RP2: variants seen among roughly 807,000 people sequenced by gnomAD.
RP2 encodes RP2 activator of ARL3 GTPase, also known as protein XRP2.
Under a neutral mutation model 20.3 loss-of-function variants are expected in RP2, and 3 were observed. The observed-to-expected ratio is 0.15, with a 90% CI of 0.07 to 0.38. RP2 has a LOEUF of 0.38. Among genes scored for constraint, RP2 ranks in the 10% least tolerant of loss-of-function variants. The pLI is 1.00. For missense variants in RP2, 233 were observed against 268.5 expected, an observed-to-expected ratio of 0.87 and a Z score of 0.92; for synonymous variants, 75 against 94.8, an observed-to-expected ratio of 0.79 and a Z score of 1.22.
rs782434322 is a variant in RP2, at chrX:46,869,704, G to C, written c.884-7801G>C. Among the ~76,000 whole-genome samples, 6 of 104,688 alleles carry C rather than the reference G, an allele frequency of 5.7e-5. No homozygotes were observed. The South Asian group carries it at 2.7e-3, about 46-fold the overall frequency. The allele number at this position is 104,688 out of a possible 115,157, so 90.9% of individuals were successfully genotyped here. On this transcript the variant is annotated intron_variant, in intron 3 of 4. Coordinates refer to ENST00000218340, the MANE Select transcript of RP2 (RefSeq NM_006915.3). The stretch of plus-strand genomic sequence containing the variant: ...GGCTCACCGCAACCCCCGCCTCCCG[G>C]GTTCAGGTGATTCTCCTGCCTCAGC...
intron 3 of RP2, among the ~76,000 whole-genome samples, chrX:46,866,900 C>A (rs782388126): frequency 9.0e-6 from 1 of 111,477 alleles, no homozygotes; most frequent in South Asian, 3.7e-4. Context: ...CTAAAAATTT[C>A]CCTTGTGTGG....
intron 3 of RP2, among the ~76,000 whole-genome samples, chrX:46,877,247 C>G (rs1164203048): frequency 8.9e-6 from 1 of 112,253 alleles, no homozygotes; most frequent in African/African-American, 3.2e-5. Flanking sequence ...AAAAGCCAGA[C>G]TATTTACAAC....
At chrX:46,877,447 T>C in intron 3 of RP2, 58 bp from the exon 4 acceptor site, 1 of 840,598 alleles carries the variant, frequency 1.2e-6, no homozygotes, top group Non-Finnish European at 1.8e-6. Flanking sequence ...ATAAAAAGAT[T>C]AAATTTAGAA....
intron 3 of RP2, among the ~76,000 whole-genome samples, chrX:46,865,982 T>C (rs1238959316): frequency 9.0e-6 from 1 of 111,274 alleles, no homozygotes; most frequent in Non-Finnish European, 1.9e-5. Flanking sequence ...TTATTTCTCA[T>C]GGGTGTGTAT....
chrX:46,854,514 C>CTAT (rs1364593724), intron 2 of RP2, among the ~76,000 whole-genome samples: 8 of 111,177 alleles, frequency 7.2e-5, no homozygotes, highest in African/African-American at 2.6e-4. Context: ...GATAGGATGC[C>CTAT]TATTTGTTTT....
At chrX:46,839,528 G>A (rs1218144977) in intron 1 of RP2, among the ~76,000 whole-genome samples, 7 of 110,015 alleles carry the variant, frequency 6.4e-5, no homozygotes, top group Non-Finnish European at 1.3e-4. Flanking sequence ...CTCCAGCTTG[G>A]GCAACAGAGT....
rs1925482226 is a variant in RP2, at chrX:46,882,197, T to G, written c.*2428T>G. 8.9e-6 allele frequency: 1 copy of G among 112,682 alleles called. No homozygotes were observed. Among genetic ancestry groups the G allele is most frequent in the Non-Finnish European group, 1.9e-5 (1 of 53,403 alleles). 9.3% of individuals were successfully genotyped at this position (112,682 alleles called of 1,213,427 possible). A position where few individuals can be genotyped will look rare whatever the true frequency, so the allele number is the denominator to read the frequency against. ...TATTAACAATGAAAAATTGGTAATT[T>G]TATTAAGTTATATGTGTTTAAATAT... On this transcript the variant is annotated 3_prime_UTR_variant, in exon 5 of 5. Coordinates refer to ENST00000218340, the MANE Select transcript of RP2 (RefSeq NM_006915.3).
chrX:46,869,076 G>T (rs986176827), intron 3 of RP2, among the ~76,000 whole-genome samples: 1 of 109,811 alleles, frequency 9.1e-6, no homozygotes, highest in Non-Finnish European at 1.9e-5. Flanking sequence ...TCCAGCCTTG[G>T]GGGGAGTGAC....
chrX:46,878,334 G>A (rs1556328069), intron 4 of RP2, among the ~76,000 whole-genome samples: 2 of 102,229 alleles, frequency 2.0e-5, no homozygotes, highest in Non-Finnish European at 4.0e-5. Flanking sequence ...CCGAGATCCC[G>A]CCACTGCACT....
intron 3 of RP2, among the ~76,000 whole-genome samples, chrX:46,873,420 TCA>T (rs2147088068): frequency 8.9e-6 from 1 of 112,340 alleles, no homozygotes; most frequent in South Asian, 3.7e-4. Flanking sequence ...ACCTCATAGT[TCA>T]GTTAGAAATA....
chrX:46,873,417 AG>A (rs1207337647), intron 3 of RP2, among the ~76,000 whole-genome samples: 1 of 112,368 alleles, frequency 8.9e-6, no homozygotes, highest in Non-Finnish European at 1.9e-5. Flanking sequence ...TTGACCTCAT[AG>A]TTCAGTTAGA....
chrX:46,874,497 G>T, intron 3 of RP2, among the ~76,000 whole-genome samples: 1 of 110,093 alleles, frequency 9.1e-6, no homozygotes. Flanking sequence ...ACTAAATGTA[G>T]AGAGTACAAT....
rs1925459030 is a variant in RP2, at chrX:46,880,986, T to G, written c.*1217T>G. ...TCCACATCACATATAGCAGCTATTA[T>G]GAAATCAGCTTTCATAGGCCTATTT... is the stretch of plus-strand genomic sequence containing the variant. On this transcript the variant is annotated 3_prime_UTR_variant, in exon 5 of 5. Transcript: ENST00000218340. 2 of 112,102 alleles carry G rather than the reference T, an allele frequency of 1.8e-5. No individual in the cohort carries two copies. Among genetic ancestry groups the G allele is most frequent in the Admixed American group, 1.9e-4 (2 of 10,525 alleles). 9.2% of individuals were successfully genotyped at this position (112,102 alleles called of 1,213,427 possible).
At chrX:46,878,271 G>A (rs1405689821) in intron 4 of RP2, among the ~76,000 whole-genome samples, 2 of 107,870 alleles carry the variant, frequency 1.9e-5, no homozygotes, top group Non-Finnish European at 3.9e-5. Flanking sequence ...CAGCTGCTTG[G>A]GAGGCTGAGG....
chrX:46,877,431 G>T, intron 3 of RP2, 74 bp from the exon 4 acceptor site: 2 of 745,943 alleles, frequency 2.7e-6, no homozygotes, highest in Non-Finnish European at 4.2e-6. Context: ...GATTCTTCAG[G>T]GAAGAATAAA....
At chrX:46,867,973 A>G (rs1556323347) in intron 3 of RP2, among the ~76,000 whole-genome samples, 1 of 112,384 alleles carries the variant, frequency 8.9e-6, no homozygotes, top group Non-Finnish European at 1.9e-5. Flanking sequence ...GAGTGCAACT[A>G]TCTCTTTGAC....
chrX:46,853,438 T>C (rs1467803546), intron 1 of RP2, 38 bp from the exon 2 acceptor site: 1 of 1,161,410 alleles, frequency 8.6e-7, no homozygotes, highest in Non-Finnish European at 1.2e-6. Context: ...TGTTGAATAA[T>C]GTTAATAATA....
At position 46,861,797 on chromosome X, in the gene RP2, T is replaced by C. The variant is rs5952967; in HGVS notation, c.883+1695T>C. The stretch of plus-strand genomic sequence containing the variant: ...TTGAGGCTGCAGTGAGTTATGCTCA[T>C]GCCACTGCACTGCAGCCTGGGCAAC... On this transcript the variant is annotated intron_variant, in intron 3 of 4. Transcript: ENST00000218340. Among the ~76,000 whole-genome samples the C allele has an allele frequency of 3.2e-3, 358 of 111,381 alleles. 3 individuals are homozygous for C. Among genetic ancestry groups the C allele is most frequent in the African/African-American group, 0.011 (338 of 30,689 alleles).
intron 3 of RP2, among the ~76,000 whole-genome samples, chrX:46,872,049 C>T (rs1302467485): frequency 1.8e-5 from 2 of 111,259 alleles, no homozygotes; most frequent in African/African-American, 6.5e-5. Context: ...CTCAAGTAAT[C>T]CTCCCACCTC....
Sources: allele counts gnomAD v4.1 joint callset (sites outside exome capture counted in the v4.1 genomes callset), GRCh38; gene constraint gnomAD v4.1.1; transcripts MANE v1.5; gene names NCBI Gene and HGNC (gene_info 2026-07-23, HGNC 2026-07-21).